Variants in PDE1C observed in about 807,000 individuals in gnomAD.
PDE1C encodes dual specificity calcium/calmodulin-dependent 3',5'-cyclic nucleotide phosphodiesterase 1C.
In PDE1C, 62 loss-of-function variants were observed where a neutral mutation model predicts 93.1. The observed-to-expected ratio is 0.67, with a 90% confidence interval of 0.54 to 0.82. The LOEUF (loss-of-function observed/expected upper bound fraction) is 0.82, where lower values mean the gene tolerates loss of function less well. Among genes scored for constraint, PDE1C ranks in the 40% least tolerant of loss-of-function variants. PDE1C has a pLI of 0.00. For missense variants in PDE1C, 742 were observed against 884.6 expected (o/e 0.84, Z 2.04); for synonymous variants, 325 against 310.1 (o/e 1.05, Z -0.50).
intron 2 of PDE1C, among the ~76,000 whole-genome samples, chr7:31,996,487 A>G (rs1248859004): frequency 6.6e-6 from 1 of 152,202 alleles, no homozygotes; most frequent in Non-Finnish European, 1.5e-5. Flanking sequence ...TGACCTATTA[A>G]TTACAAGGAT....
the PDE1C span, among the ~76,000 whole-genome samples, chr7:31,727,703 A>AT: frequency 3.9e-5 from 6 of 152,120 alleles, no homozygotes; most frequent in Admixed American, 2.6e-4. Context: ...GCTTTCTTTA[A>AT]TTTTTTTAGA....
intron 1 of PDE1C, among the ~76,000 whole-genome samples, chr7:32,397,847 T>C (rs1784863636): frequency 6.7e-6 from 1 of 149,542 alleles, no homozygotes; most frequent in Admixed American, 6.6e-5. Context: ...ACCTCATCTC[T>C]ACTAAAGATA....
intron 2 of PDE1C, among the ~76,000 whole-genome samples, chr7:32,013,461 G>C (rs1787443036): frequency 6.6e-6 from 1 of 152,188 alleles, no homozygotes; most frequent in South Asian, 2.1e-4. Flanking sequence ...TTTATAACTT[G>C]ACACATCCAC....
chr7:31,847,987 G>A lies in PDE1C; in HGVS notation c.961C>T (p.Leu321Phe). 1.2e-6 allele frequency: 2 copies of A among 1,612,748 alleles called. No homozygotes were observed. The highest frequency in any genetic ancestry group is 8.5e-7 in the Non-Finnish European group (1 of 1,179,394). Reference sequence around the variant, plus strand: ...CCTTACCTCCAGTCATCCTTTGAGAGGTTAATCAAAATATTCATTTCCTCG... The same window carrying A: ...CCTTACCTCCAGTCATCCTTTGAGAAGTTAATCAAAATATTCATTTCCTCG... ...DDEEMNILIN[L>F]SKDDWREFRT... is the part of the protein sequence containing the mutation. The change falls in exon 9 of 18, where the codon CTC (leucine) becomes TTC (phenylalanine). Residue 321 changes from leucine (L) to phenylalanine (F), a missense_variant. This residue lies in a region of PDE1C where 205 missense variants were observed against 295.3 expected (regional missense o/e 0.69). Transcript: ENST00000396191.
the PDE1C span, among the ~76,000 whole-genome samples, chr7:31,624,346 G>A: frequency 1.4e-5 from 2 of 147,856 alleles, no homozygotes; most frequent in Non-Finnish European, 3.0e-5. Flanking sequence ...ACAGCTGGAG[G>A]CATCACGCTA....
chr7:32,011,205 T>G (rs1438507967), intron 2 of PDE1C, among the ~76,000 whole-genome samples: 2 of 152,148 alleles, frequency 1.3e-5, no homozygotes, highest in Non-Finnish European at 2.9e-5. Context: ...AATTTTTTTT[T>G]TTTTTGAGAA....
At chr7:32,012,335 G>A (rs1787251223) in intron 2 of PDE1C, among the ~76,000 whole-genome samples, 1 of 152,106 alleles carries the variant, frequency 6.6e-6, no homozygotes, top group Non-Finnish European at 1.5e-5. Flanking sequence ...ATACCAGACT[G>A]TTTTAAACAA....
At chr7:31,875,927 C>T (rs1214465826) in intron 5 of PDE1C, among the ~76,000 whole-genome samples, 6 of 148,924 alleles carry the variant, frequency 4.0e-5, no homozygotes, top group Non-Finnish European at 8.9e-5. Context: ...ATGTCATGTT[C>T]TTACGTTAAC....
At chr7:32,268,677 G>A (rs1483661469) in intron 1 of PDE1C, among the ~76,000 whole-genome samples, 2 of 152,046 alleles carry the variant, frequency 1.3e-5, no homozygotes, top group African/African-American at 4.8e-5. Context: ...TAAAATCAAT[G>A]ATTTGAGCTC....
chr7:31,975,869 C>T (rs1811597908), intron 2 of PDE1C, among the ~76,000 whole-genome samples: 1 of 152,108 alleles, frequency 6.6e-6, no homozygotes, highest in Admixed American at 6.5e-5. Context: ...GGCTAAGAAC[C>T]ACATCACTGA....
At chr7:31,788,419 T>A (rs1030794388) in intron 16 of PDE1C, 19 of 152,176 alleles carry the variant, frequency 1.2e-4, no homozygotes, top group African/African-American at 4.3e-4. Context: ...GTTTTTGAGT[T>A]AGTTGTCAAT....
intron 4 of PDE1C, among the ~76,000 whole-genome samples, chr7:31,878,543 G>T (rs572956745): frequency 5.3e-5 from 8 of 152,270 alleles, no homozygotes; most frequent in South Asian, 4.1e-4. Context: ...GGAATCTATT[G>T]CTGGGTAAGG....
intron 2 of PDE1C, among the ~76,000 whole-genome samples, chr7:31,962,382 G>A (rs1033127198): frequency 6.6e-6 from 1 of 152,174 alleles, no homozygotes; most frequent in Non-Finnish European, 1.5e-5. Context: ...AACCAGTTTG[G>A]TATATGTCAG....
At chr7:31,965,268 C>A (rs990831996) in intron 2 of PDE1C, among the ~76,000 whole-genome samples, 1 of 152,090 alleles carries the variant, frequency 6.6e-6, no homozygotes, top group Non-Finnish European at 1.5e-5. Context: ...CTTAAAGGAC[C>A]TGATGGAGCT....
At chr7:31,803,504 T>G (rs1786358277) in intron 16 of PDE1C, among the ~76,000 whole-genome samples, 1 of 151,872 alleles carries the variant, frequency 6.6e-6, no homozygotes, top group Non-Finnish European at 1.5e-5. Context: ...GCTGCACCCA[T>G]TAACTCGTCG....
chr7:32,080,285 T>C (rs1439009201), intron 3 of PDE1C, among the ~76,000 whole-genome samples: 1 of 152,138 alleles, frequency 6.6e-6, no homozygotes, highest in African/African-American at 2.4e-5. Context: ...CACTGTCCCC[T>C]GTCCCCCTGA....
chr7:31,639,071 C>T, the PDE1C span, among the ~76,000 whole-genome samples: 1 of 152,254 alleles, frequency 6.6e-6, no homozygotes, highest in African/African-American at 2.4e-5. Flanking sequence ...GCCACTGCGC[C>T]CAGCCAGTAA....
intron 2 of PDE1C, among the ~76,000 whole-genome samples, chr7:32,207,834 G>GACCGCCCTC (rs1805707200): frequency 6.6e-6 from 1 of 152,086 alleles, no homozygotes; most frequent in Admixed American, 6.6e-5. Flanking sequence ...CTCATGCAAG[G>GACCGCCCTC]ACCGCCCTCC....
chr7:31,711,968 T>C, the PDE1C span, among the ~76,000 whole-genome samples: 15 of 152,138 alleles, frequency 9.9e-5, no homozygotes, highest in African/African-American at 3.6e-4. Context: ...TCCTACTCTT[T>C]GCCCCTCACC....
Sources: gnomAD v4.1 joint callset for allele counts (sites outside exome capture counted in the v4.1 genomes callset) on GRCh38, gnomAD v4.1.1 for gene constraint, gnomAD v4.1.1 regional missense constraint, MANE v1.5 for transcripts, NCBI Gene and HGNC (gene_info 2026-07-23, HGNC 2026-07-21) for gene names.